The following TEKT5 variants were observed in gnomAD, a reference collection of about 807,000 sequenced individuals.
TEKT5 encodes the protein tektin 5, also known as tektin-5.
In TEKT5, 52 loss-of-function variants were observed where a neutral mutation model predicts 48.7. The ratio of observed to expected loss-of-function variants is 1.07; its 90% CI spans 0.86 to 1.35. The LOEUF is 1.35. TEKT5 is among the 40% of genes most tolerant of loss of function. The pLI, the probability that TEKT5 is intolerant of heterozygous loss-of-function variation, is 0.00. For missense variants in TEKT5, 831 were observed against 641.6 expected, an observed-to-expected ratio of 1.30 and a Z score of -3.19; for synonymous variants, 318 against 267.6, an observed-to-expected ratio of 1.19 and a Z score of -1.84.
chr16:10,658,632 T>C (rs940757150), intron 5 of TEKT5, among the ~76,000 whole-genome samples: 1 of 152,172 alleles, frequency 6.6e-6, no homozygotes, highest in Non-Finnish European at 1.5e-5. Context: ...CTCCTGGAAC[T>C]AGAAATGTCC....
At chr16:10,652,021 GAGCACATCCA>G (rs1362928979) in intron 5 of TEKT5, among the ~76,000 whole-genome samples, 1 of 132,222 alleles carries the variant, frequency 7.6e-6, no homozygotes, top group Non-Finnish European at 1.6e-5. Flanking sequence ...ATCCCAGCTC[GAGCACATCCA>G]AGCTGGGGGG....
intron 5 of TEKT5, among the ~76,000 whole-genome samples, chr16:10,643,598 C>A (rs543233390): frequency 6.6e-6 from 1 of 152,022 alleles, no homozygotes; most frequent in African/African-American, 2.4e-5. Flanking sequence ...TAAGTAAGCA[C>A]GTAACATGCA....
intron 4 of TEKT5, among the ~76,000 whole-genome samples, chr16:10,677,066 C>G (rs1237860574): frequency 2.6e-5 from 4 of 152,170 alleles, no homozygotes; most frequent in Non-Finnish European, 5.9e-5. Context: ...TGGTGCATGC[C>G]TGTGGTCCCA....
rs574059568 is a variant in TEKT5, at chr16:10,645,716, C to T, written c.1087-9798G>A. ...TACTGGGAGGCTGAGACAGGAAAAT[C>T]GCTTGAACCTGGGAGGCGGAGGTTG... On this transcript the variant is annotated intron_variant, in intron 5 of 6. Transcript: ENST00000283025. Among the ~76,000 whole-genome samples, 41 of 152,216 alleles carry T rather than the reference C, an allele frequency of 2.7e-4. No individual in the cohort carries two copies. In the East Asian group the frequency reaches 3.3e-3, roughly 12 times the overall value.
chr16:10,680,609 C>A lies in TEKT5; in HGVS notation c.863+1384G>T, dbSNP rs192978276. ...CAATAGCAAAGACTTGGAGCCAACC[C>A]AAATGTCCAACGATGATAGACTGGA... On this transcript the variant is annotated intron_variant, in intron 4 of 6. Transcript: ENST00000283025. Among the ~76,000 whole-genome samples the A allele has an allele frequency of 8.6e-4, 131 of 151,974 alleles. 1 individual carries two copies. The highest frequency in any genetic ancestry group is 6.0e-3 in the East Asian group (31 of 5,156).
intron 1 of TEKT5, among the ~76,000 whole-genome samples, chr16:10,693,695 G>A (rs2142320350): frequency 6.6e-6 from 1 of 152,316 alleles, no homozygotes; most frequent in Admixed American, 6.5e-5. Flanking sequence ...AAATAAGGCA[G>A]TTATGGGCCA....
chr16:10,628,621 A>G (rs2142251444), intron 6 of TEKT5, among the ~76,000 whole-genome samples: 1 of 152,292 alleles, frequency 6.6e-6, no homozygotes, highest in South Asian at 2.1e-4. Flanking sequence ...GGAATGAAAT[A>G]CAGCTGGGTA....
At chr16:10,636,436 G>A (rs1897914778) in intron 5 of TEKT5, among the ~76,000 whole-genome samples, 1 of 151,954 alleles carries the variant, frequency 6.6e-6, no homozygotes, top group Non-Finnish European at 1.5e-5. Context: ...TTGTCACCGG[G>A]GCACTGTGGA....
At chr16:10,661,713 C>CA (rs1567230700) in intron 5 of TEKT5, among the ~76,000 whole-genome samples, 2 of 152,160 alleles carry the variant, frequency 1.3e-5, no homozygotes, top group Non-Finnish European at 2.9e-5. Context: ...ATTCGGATTC[C>CA]AGTGTGCCCA....
chr16:10,689,907 T>G (rs760716821), intron 2 of TEKT5, 35 bp downstream of exon 2: 2 of 1,611,260 alleles, frequency 1.2e-6, no homozygotes, highest in Non-Finnish European at 1.7e-6. Context: ...TCCCGCCTCC[T>G]TCAGGGGGCT....
At chr16:10,693,383 CTG>C (rs1899015689) in intron 1 of TEKT5, among the ~76,000 whole-genome samples, 1 of 152,256 alleles carries the variant, frequency 6.6e-6, no homozygotes, top group African/African-American at 2.4e-5. Flanking sequence ...GTGTAAGCCA[CTG>C]TGCCCAGTCA....
intron 5 of TEKT5, among the ~76,000 whole-genome samples, chr16:10,672,860 T>G (rs1024164427): frequency 1.4e-4 from 21 of 149,948 alleles, no homozygotes; most frequent in African/African-American, 5.1e-4. Context: ...TTTTTTTTGT[T>G]TTTTTTTTTT....
At chr16:10,636,188 A>G (rs2142259440) in intron 5 of TEKT5, among the ~76,000 whole-genome samples, 1 of 152,204 alleles carries the variant, frequency 6.6e-6, no homozygotes, top group East Asian at 1.9e-4. Context: ...CAGCCTGGCC[A>G]ACGTGGTGAA....
At position 10,627,586 on chromosome 16, in the gene TEKT5, G is replaced by C. The variant is rs1264693151; in HGVS notation, c.1455C>G (p.Thr485=). 1 of 1,614,106 alleles carries C rather than the reference G, an allele frequency of 6.2e-7. No individual in the cohort carries two copies. The highest frequency in any genetic ancestry group is 8.5e-7 in the Non-Finnish European group (1 of 1,179,950). Residue 485 remains threonine (T), a synonymous_variant, in exon 7 of 7, where the codon ACC becomes ACG. Coordinates refer to ENST00000283025, the MANE Select transcript of TEKT5 (RefSeq NM_144674.2). ...FPCTPRLVGH[T] ...GAATGAGGCGCCAGGGCGGTGCTCA[G>C]GTGTGGCCCACCAGGCGCGGGGTGC...
At chr16:10,681,122 G>A (rs908118895) in intron 4 of TEKT5, among the ~76,000 whole-genome samples, 1 of 151,104 alleles carries the variant, frequency 6.6e-6, no homozygotes, top group African/African-American at 2.4e-5. Context: ...CCTCATAGCT[G>A]CTGTGACGAG....
intron 3 of TEKT5, 109 bp downstream of exon 3, chr16:10,689,143 CA>C: frequency 1.2e-6 from 1 of 803,826 alleles, no homozygotes; most frequent in Non-Finnish European, 1.9e-6. Context: ...TACCACTGAC[CA>C]AAAGAACCAC....
At chr16:10,658,346 A>T (rs1232713704) in intron 5 of TEKT5, among the ~76,000 whole-genome samples, 1 of 152,246 alleles carries the variant, frequency 6.6e-6, no homozygotes, top group African/African-American at 2.4e-5. Flanking sequence ...CAACTTAAAC[A>T]TCTATCAACA....
intron 5 of TEKT5, among the ~76,000 whole-genome samples, chr16:10,643,457 G>C (rs1898024193): frequency 6.6e-6 from 1 of 152,070 alleles, no homozygotes; most frequent in African/African-American, 2.4e-5. Flanking sequence ...CTAATACACT[G>C]TGTTTTAAAA....
At chr16:10,676,961 A>G (rs942263545) in intron 4 of TEKT5, among the ~76,000 whole-genome samples, 2 of 126,030 alleles carry the variant, frequency 1.6e-5, no homozygotes, top group African/African-American at 3.2e-5. Flanking sequence ...AGGCAGGCAG[A>G]TCAGTTGAGT....
Sources: gnomAD v4.1 joint callset for allele counts (sites outside exome capture counted in the v4.1 genomes callset) on GRCh38, gnomAD v4.1.1 for gene constraint, MANE v1.5 for transcripts, NCBI Gene and HGNC (gene_info 2026-07-23, HGNC 2026-07-21) for gene names.